The following PHKA2 variants were observed in gnomAD, a reference collection of about 807,000 sequenced individuals.
The protein encoded by PHKA2 is phosphorylase b kinase regulatory subunit alpha, liver isoform.
PHKA2 carries 31 observed loss-of-function variants against 102.0 expected under a neutral mutation model. The observed-to-expected ratio is 0.30, with a 90% CI of 0.23 to 0.41. The LOEUF is 0.41. Ranked by LOEUF, PHKA2 falls within the 10% of genes least tolerant of loss-of-function variation. PHKA2 has a pLI of 1.00. For synonymous variants in PHKA2, 455 were observed against 416.2 expected, an observed-to-expected ratio of 1.09 and a Z score of -1.13; for missense variants, 858 against 1,023.1, an observed-to-expected ratio of 0.84 and a Z score of 2.20.
intron 1 of PHKA2, among the ~76,000 whole-genome samples, chrX:18,954,671 G>T (rs1362130086): frequency 8.9e-6 from 1 of 112,677 alleles, no homozygotes; most frequent in Non-Finnish European, 1.9e-5. Context: ...ATGTTCTTTT[G>T]CTTTCAGACG....
At chrX:18,962,847 C>T (rs747447857) in intron 1 of PHKA2, among the ~76,000 whole-genome samples, 1 of 111,761 alleles carries the variant, frequency 8.9e-6, no homozygotes, top group African/African-American at 3.2e-5. Flanking sequence ...ACTCTGTTAC[C>T]ACCAAACACC....
intron 12 of PHKA2, among the ~76,000 whole-genome samples, chrX:18,929,804 C>A (rs897057639): frequency 6.3e-5 from 7 of 111,996 alleles, no homozygotes; most frequent in African/African-American, 1.6e-4. Flanking sequence ...ATTCTTCTTC[C>A]CCAAGGTGGG....
chrX:18,976,688 ACAC>A (rs1406637479), intron 1 of PHKA2, among the ~76,000 whole-genome samples: 1 of 111,462 alleles, frequency 9.0e-6, no homozygotes, highest in Non-Finnish European at 1.9e-5. Flanking sequence ...CAGGGAAAAA[ACAC>A]AGTTTATATA....
chrX:18,976,100 G>A (rs1158546193), intron 1 of PHKA2, among the ~76,000 whole-genome samples: 1 of 102,910 alleles, frequency 9.7e-6, no homozygotes, highest in African/African-American at 3.6e-5. Flanking sequence ...TCAGCCTCCC[G>A]AGTAGCTAGG....
chrX:18,966,081 G>GTTTTTTTTT (rs1178984805), intron 1 of PHKA2, among the ~76,000 whole-genome samples: 1 of 85,099 alleles, frequency 1.2e-5, no homozygotes, highest in African/African-American at 4.9e-5. Flanking sequence ...TGGCTCTTTT[G>GTTTTTTTTT]TTTTTTTTTT....
chrX:18,929,192 C>A lies in PHKA2; in HGVS notation c.1324+36G>T, dbSNP rs1474762932. The A allele has an allele frequency of 4.1e-6, 4 of 967,468 alleles. No homozygotes were observed. The African/African-American group carries it at 7.7e-5, about 19-fold the overall frequency. 79.7% of individuals were successfully genotyped at this position (967,468 alleles called of 1,213,427 possible). ...TTGAATTAAAATAACATTGGTTTTA[C>A]AAAGTTAAATATGAACAGTAAACAC... On this transcript the variant is annotated intron_variant, in intron 13 of 32. Coordinates refer to ENST00000379942, the MANE Select transcript of PHKA2 (RefSeq NM_000292.3).
At chrX:18,946,624 C>A (rs1339491363) in intron 5 of PHKA2, among the ~76,000 whole-genome samples, 1 of 109,734 alleles carries the variant, frequency 9.1e-6, no homozygotes, top group African/African-American at 3.3e-5. Context: ...TTCCTCTGTA[C>A]CCTTTTCCTC....
chrX:18,942,963 A>G lies in PHKA2; in HGVS notation c.717+747T>C, dbSNP rs184750092. On this transcript the variant is annotated intron_variant, in intron 7 of 32. Coordinates refer to ENST00000379942, the MANE Select transcript of PHKA2 (RefSeq NM_000292.3). ...ATGGGTGGAACCCTTCAGCTTCAGAATAAAGCTTTATTTTCTATAGCCAAC... is the reference window on the plus strand; with the variant it reads ...ATGGGTGGAACCCTTCAGCTTCAGAGTAAAGCTTTATTTTCTATAGCCAAC... Among the ~76,000 whole-genome samples, 408 of 110,837 alleles carry G rather than the reference A, an allele frequency of 3.7e-3. 1 individual carries two copies. Among genetic ancestry groups the G allele is most frequent in the Admixed American group, 7.1e-3 (74 of 10,428 alleles).
At chrX:18,896,492 G>A (rs886909479) in intron 30 of PHKA2, 1 of 114,432 alleles carries the variant, frequency 8.7e-6, no homozygotes. Flanking sequence ...CAGGGTGTGA[G>A]GGAGATTGTG....
intron 1 of PHKA2, among the ~76,000 whole-genome samples, chrX:18,955,660 A>T (rs919554404): frequency 8.9e-6 from 1 of 112,066 alleles, no homozygotes; most frequent in Non-Finnish European, 1.9e-5. Flanking sequence ...TAAGCTTAAA[A>T]AAATTACATT....
intron 12 of PHKA2, among the ~76,000 whole-genome samples, chrX:18,930,502 G>A (rs1018438048): frequency 9.0e-6 from 1 of 110,889 alleles, no homozygotes; most frequent in African/African-American, 3.3e-5. Context: ...AAGCAGGGGA[G>A]GGGAGTTACT....
chrX:18,906,514 T>C lies in PHKA2; in HGVS notation c.2787A>G (p.Ala929=), dbSNP rs2047814737. Residue 929 remains alanine, a synonymous_variant, in exon 25 of 33, where the codon GCA becomes GCG. Transcript: ENST00000379942. ...TCTCACCTGAGCAGTTCAGGCTCCG[T>C]GCCAGCTCCGTGGCCATCACCTGAA... The part of the protein sequence containing the change: ...LIIQVMATEL[A]RSLNCSGEEA... The C allele has an allele frequency of 4.1e-6, 5 of 1,210,972 alleles. No homozygotes were observed. The South Asian group carries it at 8.8e-5, about 21-fold the overall frequency.
At chrX:18,918,042 G>A (rs748205825) in intron 19 of PHKA2, among the ~76,000 whole-genome samples, 5 of 111,193 alleles carry the variant, frequency 4.5e-5, no homozygotes, top group South Asian at 7.8e-4. Flanking sequence ...AGACAAGCCA[G>A]GGAAACTCCC....
intron 11 of PHKA2, among the ~76,000 whole-genome samples, chrX:18,935,482 G>A (rs2048378154): frequency 8.9e-6 from 1 of 111,779 alleles, no homozygotes; most frequent in African/African-American, 3.3e-5. Flanking sequence ...GTCAGGGTTC[G>A]GGGAGGGACA....
intron 1 of PHKA2, among the ~76,000 whole-genome samples, chrX:18,969,808 A>T (rs1285981692): frequency 8.9e-6 from 1 of 112,327 alleles, no homozygotes; most frequent in Non-Finnish European, 1.9e-5. Context: ...TGTTTTTAAA[A>T]TTTTTACAAG....
intron 16 of PHKA2, 77 bp downstream of exon 16, chrX:18,924,304 G>A: frequency 9.0e-7 from 1 of 1,116,076 alleles, no homozygotes. Context: ...TCTGGCCATG[G>A]GAGCCATTTT....
At chrX:18,981,750 T>C (rs764301366) in intron 1 of PHKA2, among the ~76,000 whole-genome samples, 1 of 111,276 alleles carries the variant, frequency 9.0e-6, no homozygotes, top group South Asian at 3.9e-4. Flanking sequence ...GGCACAAACG[T>C]GTGGCCTCTA....
intron 26 of PHKA2, chrX:18,902,993 C>G (rs2047726243): frequency 8.9e-6 from 1 of 112,240 alleles, no homozygotes; most frequent in East Asian, 2.8e-4. Context: ...ACTGAGACCA[C>G]TGAACTACAG....
chrX:18,963,081 G>A (rs968146934), intron 1 of PHKA2, among the ~76,000 whole-genome samples: 4 of 112,404 alleles, frequency 3.6e-5, no homozygotes, highest in Admixed American at 1.9e-4. Flanking sequence ...CCTTCGTTTC[G>A]TCCCTGTCCT....
Sources: allele counts gnomAD v4.1 joint callset (sites outside exome capture counted in the v4.1 genomes callset), GRCh38; gene constraint gnomAD v4.1.1; transcripts MANE v1.5; gene names NCBI Gene and HGNC (gene_info 2026-07-23, HGNC 2026-07-21).